The following TMEM132C variants were observed in gnomAD, a reference collection of about 807,000 sequenced individuals.
The protein encoded by TMEM132C is transmembrane protein 132C, also known as protein phosphatase 1, regulatory subunit 152.
Under a neutral mutation model 61.4 loss-of-function variants are expected in TMEM132C, and 29 were observed. That is an observed-to-expected ratio of 0.47 (90% confidence interval 0.35 to 0.64). The LOEUF (loss-of-function observed/expected upper bound fraction) is 0.64. TMEM132C is among the 30% of genes least tolerant of loss of function. TMEM132C has a pLI of 0.00. For missense variants in TMEM132C, 1,408 were observed against 1,476.9 expected (o/e 0.95, Z 0.76); for synonymous variants, 656 against 633.1 (o/e 1.04, Z -0.54).
intron 2 of TMEM132C, among the ~76,000 whole-genome samples, chr12:128,470,640 G>A (rs905736052): frequency 8.5e-5 from 13 of 152,158 alleles, no homozygotes; most frequent in African/African-American, 3.1e-4. Flanking sequence ...ACTACACGCA[G>A]CTGCATGTAT....
intron 1 of TMEM132C, among the ~76,000 whole-genome samples, chr12:128,404,970 A>G (rs998938568): frequency 4.2e-5 from 4 of 95,588 alleles, no homozygotes; most frequent in African/African-American, 6.1e-5. Context: ...GGAGACAGCA[A>G]TGAACGTGCT....
In TMEM132C at chr12:128,594,244, G is replaced by C. The variant is rs534309912; in HGVS notation, c.1122-21908G>C. Among the ~76,000 whole-genome samples, 171 of 152,140 alleles carry C rather than the reference G, an allele frequency of 1.1e-3. 2 individuals carry two copies. The highest frequency in any genetic ancestry group is 3.9e-3 in the African/African-American group (160 of 41,516). ...AGGGGGGCGCCACATAAAAGGGGATGTGCCCGTTATGAGTCCGTGACAGCT... is the reference window on the plus strand; with the variant it reads ...AGGGGGGCGCCACATAAAAGGGGATCTGCCCGTTATGAGTCCGTGACAGCT... On this transcript the variant is annotated intron_variant, in intron 3 of 8. Coordinates refer to ENST00000435159, the MANE Select transcript of TMEM132C (RefSeq NM_001136103.3).
intron 3 of TMEM132C, among the ~76,000 whole-genome samples, chr12:128,598,487 C>G (rs73428408): frequency 7.9e-5 from 12 of 152,160 alleles, no homozygotes; most frequent in Admixed American, 6.5e-4. Flanking sequence ...CCCCAGCCCC[C>G]CTTCCACCAC....
chr12:128,596,553 T>A (rs1404088088), intron 3 of TMEM132C, among the ~76,000 whole-genome samples: 2 of 150,412 alleles, frequency 1.3e-5, no homozygotes, highest in Non-Finnish European at 2.9e-5. Context: ...CCCTGTTCTG[T>A]CCATCGCACT....
chr12:128,582,525 G>A (rs535569564), intron 3 of TMEM132C, among the ~76,000 whole-genome samples: 4 of 150,948 alleles, frequency 2.6e-5, no homozygotes, highest in East Asian at 2.0e-4. Flanking sequence ...TAATTCCCAT[G>A]TGTTGTGGGA....
intron 3 of TMEM132C, among the ~76,000 whole-genome samples, chr12:128,610,224 C>T (rs918574968): frequency 2.6e-5 from 4 of 152,208 alleles, no homozygotes; most frequent in South Asian, 2.1e-4. Context: ...TCTCCTGAAG[C>T]GGCTTCCCTA....
chr12:128,457,978 G>A (rs1391680787), intron 2 of TMEM132C, among the ~76,000 whole-genome samples: 2 of 152,068 alleles, frequency 1.3e-5, no homozygotes, highest in Non-Finnish European at 2.9e-5. Flanking sequence ...CTCCTAAGAA[G>A]CCAGAAATCC....
Position 128,706,399 on chromosome 12 carries a change from A to T in TMEM132C, c.*104A>T. ...AGTGGGGTTAAGAAGGGACGGTCCC[A>T]GGGTCCATGCTAGACCAGTTGGAAA... On this transcript the variant is annotated 3_prime_UTR_variant, in exon 9 of 9. Transcript: ENST00000435159. The T allele has an allele frequency of 7.2e-6, 10 of 1,395,032 alleles. No individual in the cohort carries two copies. The highest frequency in any genetic ancestry group is 8.5e-6 in the Non-Finnish European group (9 of 1,063,694). 86.4% of individuals were successfully genotyped at this position (1,395,032 alleles called of 1,614,324 possible). A position where few individuals can be genotyped will look rare whatever the true frequency, so the allele number is the denominator to read the frequency against.
chr12:128,384,900 C>T (rs1593033881), intron 1 of TMEM132C, among the ~76,000 whole-genome samples: 1 of 152,344 alleles, frequency 6.6e-6, no homozygotes, highest in Non-Finnish European at 1.5e-5. Context: ...GCAAAGGCCT[C>T]TGCCACGCAG....
In TMEM132C at chr12:128,285,719, C is replaced by T. The variant is rs79092298; in HGVS notation, c.85+18232C>T. Reference sequence around the variant, plus strand: ...TCTCTATCCCTCTGTCCCTTTCTCTCTTTCTCTCTCTCTCTCTCCCCATCT... The same window carrying T: ...TCTCTATCCCTCTGTCCCTTTCTCTTTTTCTCTCTCTCTCTCTCCCCATCT... On this transcript the variant is annotated intron_variant, in intron 1 of 8. Transcript: ENST00000435159. Among the ~76,000 whole-genome samples, 137 of 144,542 alleles carry T rather than the reference C, an allele frequency of 9.5e-4. 1 individual carries two copies. The highest frequency in any genetic ancestry group is 3.2e-3 in the African/African-American group (119 of 36,710). 94.8% of individuals were successfully genotyped at this position (144,542 alleles called of 152,430 possible).
chr12:128,415,588 G>A lies in TMEM132C; in HGVS notation c.942G>A (p.Ser314=), dbSNP rs1236101039. The A allele has an allele frequency of 5.8e-6, 9 of 1,545,796 alleles. No homozygotes were observed. The highest frequency in any genetic ancestry group is 5.5e-5 in the African/African-American group (4 of 72,964). Residue 314 remains serine, a synonymous_variant, in exon 2 of 9, where the codon TCG becomes TCA. Coordinates refer to ENST00000435159, the MANE Select transcript of TMEM132C (RefSeq NM_001136103.3). The surrounding 1 kb of genome is among the most constrained non-coding windows in gnomAD (Gnocchi z 5.8). Reference sequence around the variant, plus strand: ...TGGTCACGGCCTATGTCACCATCTCGAGCAATTCCTCTGTGGACCTCTTCA... The same window carrying A: ...TGGTCACGGCCTATGTCACCATCTCAAGCAATTCCTCTGTGGACCTCTTCA... ...GEVVTAYVTI[S]SNSSVDLFIL... is the part of the protein sequence containing the mutation.
At chr12:128,367,443 C>T (rs1346206120) in intron 1 of TMEM132C, among the ~76,000 whole-genome samples, 1 of 152,180 alleles carries the variant, frequency 6.6e-6, no homozygotes, top group Non-Finnish European at 1.5e-5. Context: ...GACAATGCTA[C>T]TCTCCACCCC....
intron 4 of TMEM132C, among the ~76,000 whole-genome samples, chr12:128,656,772 C>T (rs1163933922): frequency 6.6e-6 from 1 of 152,196 alleles, no homozygotes; most frequent in Non-Finnish European, 1.5e-5. Context: ...GCAAGGGAGG[C>T]TGAGAAGTTT....
At chr12:128,334,630 C>G (rs1872748730) in intron 1 of TMEM132C, among the ~76,000 whole-genome samples, 1 of 147,114 alleles carries the variant, frequency 6.8e-6, no homozygotes, top group Non-Finnish European at 1.5e-5. Flanking sequence ...GTGTCTTGCT[C>G]TGTCACCCAG....
At chr12:128,576,691 G>A (rs1369020138) in intron 3 of TMEM132C, among the ~76,000 whole-genome samples, 3 of 152,190 alleles carry the variant, frequency 2.0e-5, no homozygotes, top group Admixed American at 1.3e-4. Context: ...ATTGAGACAG[G>A]TTAAGCCATT....
In TMEM132C at chr12:128,606,836, C is replaced by G. The variant is rs1256566583; in HGVS notation, c.1122-9316C>G. 2.0e-5 allele frequency among the ~76,000 whole-genome samples: 3 copies of G among 152,218 alleles called. No individual in the cohort carries two copies. In the East Asian group the frequency reaches 5.8e-4, roughly 29 times the overall value. ...GGGGCCTCTCTTGTATATTGACAAGCTTTTCAGAGAGTAGATCTTTTCTAG... is the reference window on the plus strand; with the variant it reads ...GGGGCCTCTCTTGTATATTGACAAGGTTTTCAGAGAGTAGATCTTTTCTAG... On this transcript the variant is annotated intron_variant, in intron 3 of 8. Coordinates refer to ENST00000435159, the MANE Select transcript of TMEM132C (RefSeq NM_001136103.3).
At chr12:128,456,791 C>T (rs935256764) in intron 2 of TMEM132C, among the ~76,000 whole-genome samples, 1 of 152,272 alleles carries the variant, frequency 6.6e-6, no homozygotes. Flanking sequence ...TCCAGTAAAT[C>T]CCTCCATGTT....
chr12:128,682,555 T>C (rs1305081768), intron 5 of TMEM132C, among the ~76,000 whole-genome samples: 3 of 152,220 alleles, frequency 2.0e-5, no homozygotes, highest in Non-Finnish European at 4.4e-5. Context: ...GTGAGAGGCC[T>C]CAGCACTGCT....
intron 1 of TMEM132C, among the ~76,000 whole-genome samples, chr12:128,323,264 G>A (rs1264124984): frequency 2.0e-5 from 3 of 152,208 alleles, no homozygotes; most frequent in African/African-American, 7.2e-5. Context: ...AAGCAGCTTA[G>A]TTTCCTGAGC....
Sources: gnomAD v4.1 joint callset for allele counts (sites outside exome capture counted in the v4.1 genomes callset) on GRCh38, gnomAD v4.1.1 for gene constraint, Gnocchi (gnomAD v3.1) non-coding constraint, MANE v1.5 for transcripts, NCBI Gene and HGNC (gene_info 2026-07-23, HGNC 2026-07-21) for gene names.